The following NPAS2 variants were observed in gnomAD, a reference collection of about 807,000 sequenced individuals.
NPAS2 encodes the protein neuronal PAS domain-containing protein 2.
A neutral mutation model predicts 107.5 loss-of-function variants in NPAS2; 23 were observed. The ratio of observed to expected loss-of-function variants is 0.21; its 90% CI spans 0.15 to 0.30. The LOEUF (loss-of-function observed/expected upper bound fraction) is 0.30. Ranked by LOEUF, NPAS2 falls within the 10% of genes least tolerant of loss-of-function variation. NPAS2 has a pLI of 1.00. For missense variants in NPAS2, 756 were observed against 1,043.3 expected, an observed-to-expected ratio of 0.72 and a Z score of 3.79; for synonymous variants, 403 against 417.5, an observed-to-expected ratio of 0.97 and a Z score of 0.42.
At chr2:100,835,981 G>T (rs867573284) in intron 1 of NPAS2, among the ~76,000 whole-genome samples, 51 of 152,228 alleles carry the variant, frequency 3.4e-4, no homozygotes, top group Middle Eastern at 3.4e-3. Context: ...ATTGTTCCTC[G>T]GTTTGACTCC....
rs781547387 is a variant in NPAS2 at position 100,988,266 on chromosome 2, T to C, written c.1817T>C (p.Ile606Thr). 1.2e-6 allele frequency: 2 copies of C among 1,613,530 alleles called. No individual in the cohort carries two copies. The highest frequency in any genetic ancestry group is 4.5e-5 in the East Asian group (2 of 44,874). Residue 606 changes from isoleucine to threonine, a missense_variant, in exon 17 of 21, where the codon ATA becomes ACA. By Grantham distance (89) the Ile-to-Thr change is moderately conservative. Coordinates refer to ENST00000335681, the MANE Select transcript of NPAS2 (RefSeq NM_002518.4). ...CACCTGCTCAGAGAATCAAGTGTGA[T>C]ATCAACCCAGGTAAATGTGCTCCTT... ...SQHLLRESSV[I>T]STQGPKPMRS...
intron 1 of NPAS2, among the ~76,000 whole-genome samples, chr2:100,896,337 C>G (rs569719786): frequency 9.4e-4 from 143 of 152,312 alleles, no homozygotes; most frequent in African/African-American, 3.3e-3. Context: ...GCAGCAGTGG[C>G]TGGAGAAAGG....
chr2:100,840,490 C>A (rs528670280), intron 1 of NPAS2, among the ~76,000 whole-genome samples: 1 of 152,090 alleles, frequency 6.6e-6, no homozygotes, highest in Non-Finnish European at 1.5e-5. Context: ...GTCCTTGAGA[C>A]GCACCATTTT....
chr2:100,913,638 C>T (rs1380567614), intron 2 of NPAS2, among the ~76,000 whole-genome samples: 1 of 152,136 alleles, frequency 6.6e-6, no homozygotes, highest in Non-Finnish European at 1.5e-5. Flanking sequence ...AGTTTTTCCC[C>T]CCTCTTTTCT....
At chr2:100,975,403 A>G in intron 13 of NPAS2, 55 bp from the exon 14 acceptor site, 1 of 1,482,486 alleles carries the variant, frequency 6.7e-7, no homozygotes, top group South Asian at 1.2e-5. Context: ...CCCTCTTCGG[A>G]TGAGTACATG....
At chr2:100,878,402 C>T (rs1437356633) in intron 1 of NPAS2, 2 of 985,332 alleles carry the variant, frequency 2.0e-6, no homozygotes, top group East Asian at 1.1e-4. Context: ...GGAAAACCAG[C>T]AGTTCCTCTT....
rs1170986161 is a variant in NPAS2, at chr2:100,820,278, G to T, written c.-159G>T. On this transcript the variant is annotated 5_prime_UTR_variant, in exon 1 of 21. Transcript: ENST00000335681. The surrounding 1 kb of genome is among the most constrained non-coding windows in gnomAD (Gnocchi z 5.6). ...GCGGCGGCGGCGGCGGCAGCAGCTA[G>T]AGCAGCGCCTCCCGCCGCCGCCCGG... 1.5e-5 allele frequency: 2 copies of T among 134,132 alleles called. No homozygotes were observed. Among genetic ancestry groups the T allele is most frequent in the South Asian group, 2.1e-4 (1 of 4,752 alleles). 8.3% of individuals were successfully genotyped at this position (134,132 alleles called of 1,614,324 possible).
At chr2:100,952,468 G>A (rs975927775) in intron 7 of NPAS2, among the ~76,000 whole-genome samples, 4 of 152,136 alleles carry the variant, frequency 2.6e-5, no homozygotes, top group African/African-American at 9.7e-5. Context: ...GGAGGCTGAG[G>A]CAGGAGAATT....
chr2:100,822,584 A>G (rs774546465), intron 1 of NPAS2: 9 of 152,258 alleles, frequency 5.9e-5, no homozygotes, highest in Non-Finnish European at 1.0e-4. Context: ...GAATAAAATA[A>G]TAAGGCATGC....
intron 2 of NPAS2, among the ~76,000 whole-genome samples, chr2:100,918,535 A>G (rs375681355): frequency 5.3e-5 from 8 of 152,340 alleles, no homozygotes; most frequent in African/African-American, 1.9e-4. Context: ...AATACAAGCA[A>G]CTGTCAAAAC....
chr2:100,863,185 A>G (rs1353705771), intron 1 of NPAS2, among the ~76,000 whole-genome samples: 2 of 152,226 alleles, frequency 1.3e-5, no homozygotes, highest in East Asian at 3.9e-4. Flanking sequence ...TACCGCTAGT[A>G]GCACTTAGCA....
At chr2:100,854,753 A>C (rs1678450677) in intron 1 of NPAS2, among the ~76,000 whole-genome samples, 1 of 152,178 alleles carries the variant, frequency 6.6e-6, no homozygotes, top group East Asian at 1.9e-4. Flanking sequence ...AATGCAGGCC[A>C]AAATAACTGA....
intron 2 of NPAS2, among the ~76,000 whole-genome samples, chr2:100,910,936 G>A (rs1682508885): frequency 6.6e-6 from 1 of 152,324 alleles, no homozygotes; most frequent in South Asian, 2.1e-4. Flanking sequence ...GAAGTGAGGG[G>A]TTGTGCACCT....
rs1300116196 is a variant in NPAS2 at position 100,970,927 on chromosome 2, A to G, written c.1056-63A>G. 1.0e-5 allele frequency: 15 copies of G among 1,431,762 alleles called. No homozygotes were observed. The East Asian group carries it at 2.7e-4, about 26-fold the overall frequency. The allele number at this position is 1,431,762 out of a possible 1,614,324, so 88.7% of individuals were successfully genotyped here. On this transcript the variant is annotated intron_variant, in intron 11 of 20. Coordinates refer to ENST00000335681, the MANE Select transcript of NPAS2 (RefSeq NM_002518.4). Reference sequence around the variant, plus strand: ...CCTCGATGTACCTTGCTGTCTGTTCAGGTGGTGTCATCCCTTCCTGGAATG... The same window carrying G: ...CCTCGATGTACCTTGCTGTCTGTTCGGGTGGTGTCATCCCTTCCTGGAATG...
At chr2:100,866,211 G>A (rs187965141) in intron 1 of NPAS2, among the ~76,000 whole-genome samples, 38 of 152,272 alleles carry the variant, frequency 2.5e-4, no homozygotes, top group Non-Finnish European at 5.9e-5. Flanking sequence ...GTTGATCAGG[G>A]CAAAGCATTC....
chr2:100,849,284 C>A (rs1167386940), intron 1 of NPAS2, among the ~76,000 whole-genome samples: 1 of 152,110 alleles, frequency 6.6e-6, no homozygotes, highest in Non-Finnish European at 1.5e-5. Context: ...AATTAAGATA[C>A]CCTAAATAGG....
Position 100,965,580 on chromosome 2 carries a change from T to A in NPAS2, c.801-80T>A. The A allele has an allele frequency of 1.2e-6, 1 of 819,886 alleles. No individual in the cohort carries two copies. 50.8% of individuals were successfully genotyped at this position (819,886 alleles called of 1,614,324 possible). ...AGAAATGAGGCCTCCATGTTGATCA[T>A]TATGGAAAGGCATGGCCACCAGGGT... On this transcript the variant is annotated intron_variant, in intron 9 of 20. Transcript: ENST00000335681. The surrounding 1 kb of genome is among the most constrained non-coding windows in gnomAD (Gnocchi z 4.3).
intron 19 of NPAS2, among the ~76,000 whole-genome samples, chr2:100,992,691 G>A (rs1338015995): frequency 6.6e-6 from 1 of 152,202 alleles, no homozygotes; most frequent in Non-Finnish European, 1.5e-5. Context: ...CTGATGCTGA[G>A]TATGTTTTCA....
In NPAS2 at chr2:100,820,663, G is replaced by A. The variant is rs1190178273; in HGVS notation, c.-23+249G>A. Among the ~76,000 whole-genome samples, 3 of 152,096 alleles carry A rather than the reference G, an allele frequency of 2.0e-5. No individual in the cohort carries two copies. Among genetic ancestry groups the A allele is most frequent in the Admixed American group, 6.5e-5 (1 of 15,290 alleles). ...AGCAATCGCTGGGCCGGTGGGCTCC[G>A]GGCGCGTCTCGACGCAGAAGACAGA... On this transcript the variant is annotated intron_variant, in intron 1 of 20. Coordinates refer to ENST00000335681, the MANE Select transcript of NPAS2 (RefSeq NM_002518.4). This position sits in a 1 kb window ranked among gnomAD's most constrained non-coding sequence, Gnocchi z 5.6.
Sources: gnomAD v4.1 joint callset for allele counts (sites outside exome capture counted in the v4.1 genomes callset) on GRCh38, gnomAD v4.1.1 for gene constraint, Gnocchi (gnomAD v3.1) non-coding constraint, MANE v1.5 for transcripts, NCBI Gene and HGNC (gene_info 2026-07-23, HGNC 2026-07-21) for gene names.